The following INPP4B variants were observed in gnomAD, a reference collection of about 807,000 sequenced individuals.
INPP4B encodes the protein inositol polyphosphate-4-phosphatase type II B.
A neutral mutation model predicts 122.5 loss-of-function variants in INPP4B; 55 were observed. The ratio of observed to expected loss-of-function variants is 0.45; its 90% CI spans 0.36 to 0.56. The LOEUF (loss-of-function observed/expected upper bound fraction) is 0.56, where lower values mean the gene tolerates loss of function less well. INPP4B is among the 20% of genes least tolerant of loss of function. The probability of loss-of-function intolerance (pLI) is 0.00; values close to 1 mark genes in which losing one functional copy is unlikely to be tolerated. For synonymous variants in INPP4B, 403 were observed against 388.7 expected (o/e 1.04, Z -0.43); for missense variants, 1,000 against 1,097.7 (o/e 0.91, Z 1.26).
At chr4:142,140,273 T>G (rs978456986) in intron 18 of INPP4B, among the ~76,000 whole-genome samples, 1 of 152,204 alleles carries the variant, frequency 6.6e-6, no homozygotes, top group African/African-American at 2.4e-5. Flanking sequence ...TTTGACAGGA[T>G]TTACAGCTGG....
chr4:142,447,287 A>G (rs1580087033), intron 3 of INPP4B, among the ~76,000 whole-genome samples: 1 of 152,300 alleles, frequency 6.6e-6, no homozygotes, highest in East Asian at 1.9e-4. Context: ...CTGGAGAAGA[A>G]GGACAGTATA....
chr4:142,615,890 G>C (rs188492225), intron 2 of INPP4B, among the ~76,000 whole-genome samples: 7 of 151,882 alleles, frequency 4.6e-5, no homozygotes, highest in Non-Finnish European at 8.8e-5. Flanking sequence ...AAAATAAACT[G>C]ACAAAAGCCA....
At chr4:142,490,711 C>T (rs1006311430) in intron 2 of INPP4B, among the ~76,000 whole-genome samples, 1 of 152,144 alleles carries the variant, frequency 6.6e-6, no homozygotes, top group Non-Finnish European at 1.5e-5. Context: ...AATGCCTCTA[C>T]TCCAGCCTAC....
chr4:142,559,263 G>C (rs553559458), intron 2 of INPP4B, among the ~76,000 whole-genome samples: 1 of 152,200 alleles, frequency 6.6e-6, no homozygotes. Context: ...ATCAAAAGCT[G>C]AGAGAACCTA....
In INPP4B at chr4:142,830,939, T is replaced by C. The variant is rs149275539; in HGVS notation, c.-254+15270A>G. 2.2e-3 allele frequency among the ~76,000 whole-genome samples: 328 copies of C among 151,290 alleles called. 2 individuals are homozygous for C. Among genetic ancestry groups the C allele is most frequent in the East Asian group, 0.018 (93 of 5,122 alleles). On this transcript the variant is annotated intron_variant, in intron 1 of 25. Coordinates refer to ENST00000262992, the MANE Select transcript of INPP4B (RefSeq NM_001101669.3). ...AGGGAGGCTGAGGTGGGAGGATCAG[T>C]TGGGCCCAGGAAGCAGAGGCTACAG...
chr4:142,457,582 A>G (rs1400384495), intron 3 of INPP4B, among the ~76,000 whole-genome samples: 1 of 152,186 alleles, frequency 6.6e-6, no homozygotes, highest in African/African-American at 2.4e-5. Flanking sequence ...AATTAAAACA[A>G]CAGAGAACTA....
chr4:142,544,716 C>G (rs1259677788), intron 2 of INPP4B, among the ~76,000 whole-genome samples: 1 of 152,074 alleles, frequency 6.6e-6, no homozygotes, highest in Non-Finnish European at 1.5e-5. Context: ...GCTGACCATA[C>G]TTGATTCCCC....
chr4:142,810,753 G>A (rs1779409010), intron 1 of INPP4B, among the ~76,000 whole-genome samples: 1 of 152,114 alleles, frequency 6.6e-6, no homozygotes, highest in South Asian at 2.1e-4. Flanking sequence ...GCTGTTATTA[G>A]TCTCACATTG....
At chr4:142,138,022 C>A (rs1439823734) in intron 18 of INPP4B, among the ~76,000 whole-genome samples, 5 of 152,068 alleles carry the variant, frequency 3.3e-5, no homozygotes, top group Non-Finnish European at 7.3e-5. Flanking sequence ...TTGACCCAGC[C>A]ATCCCATTAC....
At chr4:142,731,626 A>G (rs1766092074) in intron 1 of INPP4B, among the ~76,000 whole-genome samples, 1 of 152,194 alleles carries the variant, frequency 6.6e-6, no homozygotes, top group South Asian at 2.1e-4. Context: ...AGGAAAAGAA[A>G]CAGAGGAGGA....
At chr4:142,091,887 G>T (rs1353694625) in intron 23 of INPP4B, among the ~76,000 whole-genome samples, 2 of 152,140 alleles carry the variant, frequency 1.3e-5, no homozygotes, top group Non-Finnish European at 2.9e-5. Flanking sequence ...ACTGTTCCAA[G>T]ATGAATCAGA....
rs1442985674 is a variant in INPP4B, at chr4:142,023,601, C to T, written c.*5181G>A. 1 of 151,948 alleles carries T rather than the reference C, an allele frequency of 6.6e-6. No individual in the cohort carries two copies. The highest frequency in any genetic ancestry group is 2.4e-5 in the African/African-American group (1 of 41,330). The allele number at this position is 151,948 out of a possible 1,614,324, so 9.4% of individuals were successfully genotyped here. On this transcript the variant is annotated 3_prime_UTR_variant, in exon 26 of 26. Coordinates refer to ENST00000262992, the MANE Select transcript of INPP4B (RefSeq NM_001101669.3). ...TATCTAGATAATATAGCAATATTGC[C>T]AAAATTTGAGTCAATGTTACCTGTG... is the stretch of plus-strand genomic sequence containing the variant.
chr4:142,258,639 CA>C (rs1737861665), intron 11 of INPP4B, among the ~76,000 whole-genome samples: 1 of 152,174 alleles, frequency 6.6e-6, no homozygotes, highest in Non-Finnish European at 1.5e-5. Flanking sequence ...AAATGCAAAT[CA>C]AAACCACAAT....
At chr4:142,446,535 T>G (rs920185481) in intron 3 of INPP4B, among the ~76,000 whole-genome samples, 4 of 152,168 alleles carry the variant, frequency 2.6e-5, no homozygotes, top group African/African-American at 9.7e-5. Context: ...GTAGATAAAC[T>G]CTTACAAATG....
intron 23 of INPP4B, among the ~76,000 whole-genome samples, chr4:142,097,512 C>G (rs1245680502): frequency 6.6e-6 from 1 of 152,058 alleles, no homozygotes; most frequent in Non-Finnish European, 1.5e-5. Flanking sequence ...CCACCTCAGC[C>G]TCCCAAAATT....
rs188337490 is a variant in INPP4B, at chr4:142,644,059, G to A, written c.-191+81780C>T. The stretch of plus-strand genomic sequence containing the variant: ...CTACAAAAACTAAAAAAATTAGCCA[G>A]GTGTGGTGGCAGGTGCCTATAGTCC... On this transcript the variant is annotated intron_variant, in intron 2 of 25. Transcript: ENST00000262992. 1.8e-3 allele frequency among the ~76,000 whole-genome samples: 270 copies of A among 152,118 alleles called. 1 individual carries two copies. The highest frequency in any genetic ancestry group is 7.4e-4 in the Non-Finnish European group (50 of 68,002).
intron 25 of INPP4B, among the ~76,000 whole-genome samples, chr4:142,031,653 G>A (rs1197164979): frequency 6.6e-6 from 1 of 152,082 alleles, no homozygotes; most frequent in Non-Finnish European, 1.5e-5. Flanking sequence ...TGAGTAACTT[G>A]GTTACTATTC....
At chr4:142,259,563 A>G (rs1738597981) in intron 11 of INPP4B, among the ~76,000 whole-genome samples, 1 of 145,950 alleles carries the variant, frequency 6.9e-6, no homozygotes, top group African/African-American at 2.5e-5. Context: ...TATTGTTATA[A>G]AACTAAAATC....
intron 2 of INPP4B, among the ~76,000 whole-genome samples, chr4:142,545,801 ATATACACATATACATGTGTG>A (rs1461217383): frequency 2.2e-4 from 20 of 90,138 alleles, no homozygotes; most frequent in South Asian, 1.2e-3. Context: ...GTGTGTATAT[ATATACACATATACATGTGTG>A]TATATATATA....
Sources: gnomAD v4.1 joint callset for allele counts (sites outside exome capture counted in the v4.1 genomes callset) on GRCh38, gnomAD v4.1.1 for gene constraint, MANE v1.5 for transcripts, NCBI Gene and HGNC (gene_info 2026-07-23, HGNC 2026-07-21) for gene names.